The following TNIK variants were observed in gnomAD, a reference collection of about 807,000 sequenced individuals.
TNIK encodes the protein TRAF2 and NCK interacting kinase.
TNIK carries 49 observed loss-of-function variants against 191.3 expected under a neutral mutation model. The ratio of observed to expected loss-of-function variants is 0.26; its 90% CI spans 0.20 to 0.32. The LOEUF (loss-of-function observed/expected upper bound fraction) is 0.32. Among genes scored for constraint, TNIK ranks in the 10% least tolerant of loss-of-function variants. The pLI, the probability that TNIK is intolerant of heterozygous loss-of-function variation, is 1.00. For synonymous variants in TNIK, 594 were observed against 600.9 expected (o/e 0.99, Z 0.17); for missense variants, 1,155 against 1,702.3 (o/e 0.68, Z 5.66).
At chr3:171,088,531 C>T (rs752205321) in intron 23 of TNIK, among the ~76,000 whole-genome samples, 1 of 152,110 alleles carries the variant, frequency 6.6e-6, no homozygotes, top group East Asian at 1.9e-4. Context: ...CCATGCCCGG[C>T]CAAAGGTATT....
chr3:171,295,226 T>C (rs541272177), intron 2 of TNIK, among the ~76,000 whole-genome samples: 32 of 152,292 alleles, frequency 2.1e-4, no homozygotes, highest in African/African-American at 7.7e-4. Context: ...GTAACTGCCC[T>C]AAGATTTGGG....
intron 2 of TNIK, among the ~76,000 whole-genome samples, chr3:171,358,012 G>C (rs921768834): frequency 6.6e-6 from 1 of 152,170 alleles, no homozygotes; most frequent in Non-Finnish European, 1.5e-5. Flanking sequence ...GTGCATCGGG[G>C]AGTGTTGTGT....
intron 1 of TNIK, among the ~76,000 whole-genome samples, chr3:171,396,988 T>G (rs1720338461): frequency 1.3e-5 from 2 of 152,152 alleles, no homozygotes; most frequent in Non-Finnish European, 2.9e-5. Context: ...GCAAGTATGT[T>G]TATAAAAATT....
chr3:171,182,433 T>C (rs558279936), intron 7 of TNIK, among the ~76,000 whole-genome samples: 3 of 152,116 alleles, frequency 2.0e-5, no homozygotes, highest in African/African-American at 7.2e-5. Flanking sequence ...CAAGGGAAGA[T>C]GGAAGAACAA....
chr3:171,125,589 A>G (rs966612776), intron 17 of TNIK, among the ~76,000 whole-genome samples: 11 of 152,224 alleles, frequency 7.2e-5, no homozygotes, highest in Admixed American at 2.6e-4. Flanking sequence ...TCAGTCATCA[A>G]TGAAATATCC....
At chr3:171,079,757 G>A in intron 27 of TNIK, 105 bp from the exon 28 acceptor site, 2 of 1,341,288 alleles carry the variant, frequency 1.5e-6, no homozygotes, top group South Asian at 1.6e-5. Flanking sequence ...GTGTGTGTGT[G>A]TGTGTATGAA....
At chr3:171,235,730 TTTG>T (rs201913677) in intron 2 of TNIK, among the ~76,000 whole-genome samples, 1,565 of 150,902 alleles carry the variant, frequency 0.01, 21 homozygotes, top group African/African-American at 0.036. Context: ...ACCATATGTT[TTTG>T]TTGTTGTTGT....
chr3:171,424,839 G>A (rs868175379), intron 1 of TNIK, among the ~76,000 whole-genome samples: 1 of 124,228 alleles, frequency 8.0e-6, no homozygotes, highest in Non-Finnish European at 1.7e-5. Flanking sequence ...GTTGTGGGGT[G>A]GGGGGAGGGG....
chr3:171,121,628 C>T (rs1431420551), intron 18 of TNIK, among the ~76,000 whole-genome samples: 3 of 152,230 alleles, frequency 2.0e-5, no homozygotes, highest in Non-Finnish European at 4.4e-5. Context: ...AGCCAACCCA[C>T]AGCATCATGA....
Position 171,460,058 on chromosome 3 carries a change from C to A in TNIK, c.6G>T (p.Ala2=). 3 of 1,606,892 alleles carry A rather than the reference C, an allele frequency of 1.9e-6. No homozygotes were observed. Among genetic ancestry groups the A allele is most frequent in the Non-Finnish European group, 2.5e-6 (3 of 1,176,738 alleles). The part of the protein sequence containing the change: M[A]SDSPARSLDE... ...CCAGGCTTCGAGCCGGGGAGTCGCT[C>A]GCCATGTCTACTTCTTCGCTGGAGA... Residue 2 remains alanine (A), a synonymous_variant, in exon 1 of 33, where the codon GCG becomes GCT. Coordinates refer to ENST00000436636, the MANE Select transcript of TNIK (RefSeq NM_015028.4). This position sits in a 1 kb window ranked among gnomAD's most constrained non-coding sequence, Gnocchi z 6.8.
intron 1 of TNIK, among the ~76,000 whole-genome samples, chr3:171,409,263 C>T (rs114889651): frequency 7.9e-5 from 12 of 152,184 alleles, no homozygotes; most frequent in African/African-American, 2.9e-4. Flanking sequence ...TAAAGAAAAA[C>T]AAGTGTTAAG....
chr3:171,317,304 A>G (rs2108320544), intron 2 of TNIK, among the ~76,000 whole-genome samples: 1 of 152,246 alleles, frequency 6.6e-6, no homozygotes, highest in Non-Finnish European at 1.5e-5. Context: ...TGTTCTCTCC[A>G]GGAAGCACCA....
chr3:171,140,001 G>A (rs1730589471), intron 13 of TNIK, among the ~76,000 whole-genome samples: 1 of 152,208 alleles, frequency 6.6e-6, no homozygotes, highest in African/African-American at 2.4e-5. Context: ...CTGTAAGAAT[G>A]TGATTCTAGC....
In TNIK at chr3:171,167,117, T is replaced by C; in HGVS notation, c.927A>G (p.Thr309=). The C allele has an allele frequency of 6.2e-7, 1 of 1,611,946 alleles. No homozygotes were observed. ...RIQLKDHIDR[T]KKKRGEKDET... ...AACCTTTTTCTCCTCGCTTCTTCTT[T>C]GTTCTATCAATATGGTCCTTGAGTT... The change falls in exon 10 of 33, where the codon ACA becomes ACG. Residue 309 remains threonine, a synonymous_variant. Transcript: ENST00000436636.
intron 5 of TNIK, among the ~76,000 whole-genome samples, chr3:171,192,791 A>T (rs1738214857): frequency 6.6e-6 from 1 of 152,208 alleles, no homozygotes; most frequent in Non-Finnish European, 1.5e-5. Flanking sequence ...ACAATGGCAC[A>T]TCAAAACAGA....
At chr3:171,138,577 T>C (rs1730358480) in intron 14 of TNIK, among the ~76,000 whole-genome samples, 198 bp from the exon 15 acceptor site, 1 of 152,068 alleles carries the variant, frequency 6.6e-6, no homozygotes, top group Non-Finnish European at 1.5e-5. Context: ...TACACAAGAA[T>C]GTGTCATTTA....
At chr3:171,285,683 C>T (rs944773068) in intron 2 of TNIK, among the ~76,000 whole-genome samples, 3 of 152,188 alleles carry the variant, frequency 2.0e-5, no homozygotes, top group Non-Finnish European at 2.9e-5. Context: ...ATAAAATTAA[C>T]CCCTATTCCT....
rs570844090 is a variant in TNIK, at chr3:171,084,846, G to A, written c.2998+272C>T. ...TTGTTTTGGGGAAACATTTAGTTAT[G>A]TTCAGAGATCACTGAGGAACAGCTT... On this transcript the variant is annotated intron_variant, in intron 25 of 32. Coordinates refer to ENST00000436636, the MANE Select transcript of TNIK (RefSeq NM_015028.4). 2.0e-4 allele frequency among the ~76,000 whole-genome samples: 31 copies of A among 152,216 alleles called. 1 individual carries two copies. In the South Asian group the frequency reaches 6.4e-3, roughly 32 times the overall value.
At chr3:171,081,623 A>T (rs1301581495) in intron 27 of TNIK, among the ~76,000 whole-genome samples, 1 of 150,672 alleles carries the variant, frequency 6.6e-6, no homozygotes, top group African/African-American at 2.5e-5. Context: ...AAAGAAAAAA[A>T]ACTTTCAACA....
Sources: gnomAD v4.1 joint callset for allele counts (sites outside exome capture counted in the v4.1 genomes callset) on GRCh38, gnomAD v4.1.1 for gene constraint, Gnocchi (gnomAD v3.1) non-coding constraint, MANE v1.5 for transcripts, NCBI Gene and HGNC (gene_info 2026-07-23, HGNC 2026-07-21) for gene names.